RPS6KA2: variants seen among roughly 807,000 people sequenced by gnomAD.
The protein encoded by RPS6KA2 is ribosomal protein S6 kinase A2.
Under a neutral mutation model 91.8 loss-of-function variants are expected in RPS6KA2, and 42 were observed. The ratio of observed to expected loss-of-function variants is 0.46; its 90% CI spans 0.36 to 0.59. The LOEUF is 0.59. RPS6KA2 is among the 20% of genes least tolerant of loss of function. RPS6KA2 has a pLI of 0.00. For missense variants in RPS6KA2, 798 were observed against 978.5 expected (o/e 0.82, Z 2.46); for synonymous variants, 414 against 393.6 (o/e 1.05, Z -0.61).
intron 2 of RPS6KA2, among the ~76,000 whole-genome samples, chr6:166,812,432 C>A (rs1431392099): frequency 3.3e-5 from 5 of 152,312 alleles, no homozygotes; most frequent in African/African-American, 1.2e-4. Flanking sequence ...CCACAGCCCC[C>A]TTGCCTCTCT....
At chr6:166,531,515 T>A (rs1213857886) in intron 2 of RPS6KA2, among the ~76,000 whole-genome samples, 1 of 152,376 alleles carries the variant, frequency 6.6e-6, no homozygotes, top group South Asian at 2.1e-4. Flanking sequence ...AACATCACTA[T>A]GTGCCTGTAT....
In RPS6KA2 at chr6:166,418,976, C is replaced by T. The variant is rs1026852118; in HGVS notation, c.1821-634G>A. Among the ~76,000 whole-genome samples the T allele has an allele frequency of 5.9e-5, 9 of 152,312 alleles. No homozygotes were observed. The highest frequency in any genetic ancestry group is 1.4e-4 in the African/African-American group (6 of 41,576). On this transcript the variant is annotated intron_variant, in intron 18 of 20. Transcript: ENST00000265678. This position sits in a 1 kb window ranked among gnomAD's most constrained non-coding sequence, Gnocchi z 4.9. ...GTATAGGCAAAGTGAGTATTAGAAG[C>T]GTCACAAAGTAACCTGACTGTGGTA... is the stretch of plus-strand genomic sequence containing the variant.
At chr6:166,617,044 C>T (rs1211586352) in intron 1 of RPS6KA2, among the ~76,000 whole-genome samples, 2 of 152,204 alleles carry the variant, frequency 1.3e-5, no homozygotes, top group Non-Finnish European at 2.9e-5. Context: ...CAGAAGGTGC[C>T]GGGCGCCCGC....
chr6:166,691,482 G>A (rs1342117058), intron 2 of RPS6KA2, among the ~76,000 whole-genome samples: 2 of 151,984 alleles, frequency 1.3e-5, no homozygotes, highest in African/African-American at 2.4e-5. Flanking sequence ...CCTGCTCCTG[G>A]CTCTCTCTCC....
chr6:166,623,150 C>G (rs1430284285), intron 1 of RPS6KA2, among the ~76,000 whole-genome samples: 1 of 152,240 alleles, frequency 6.6e-6, no homozygotes, highest in Non-Finnish European at 1.5e-5. Flanking sequence ...AATAGGTCAC[C>G]AAAGAGAACC....
In RPS6KA2 at chr6:166,431,386, G is replaced by A. The variant is rs1303896948; in HGVS notation, c.1423-775C>T. ...TTCTGGTCCTGCAGACTGAGGTGGG[G>A]CCTGGCCCTCCGCATTTCTAACCAG... On this transcript the variant is annotated intron_variant, in intron 15 of 20. Coordinates refer to ENST00000265678, the MANE Select transcript of RPS6KA2 (RefSeq NM_021135.6). 1.1e-4 allele frequency among the ~76,000 whole-genome samples: 17 copies of A among 152,160 alleles called. 1 individual carries two copies. Among genetic ancestry groups the A allele is most frequent in the Admixed American group, 1.0e-3 (16 of 15,276 alleles).
chr6:166,568,584 C>A (rs1405437287), intron 1 of RPS6KA2, among the ~76,000 whole-genome samples: 1 of 120,132 alleles, frequency 8.3e-6, no homozygotes, highest in Admixed American at 1.2e-4. Flanking sequence ...CGCCATCGCA[C>A]TCTAAGCCTG....
At chr6:166,701,876 A>G in intron 2 of RPS6KA2, 1 of 962,326 alleles carries the variant, frequency 1.0e-6, no homozygotes, top group South Asian at 1.3e-5. Context: ...ATACTGCATC[A>G]GTTCCTGCAA....
intron 2 of RPS6KA2, among the ~76,000 whole-genome samples, chr6:166,790,910 T>C (rs1779067533): frequency 2.0e-5 from 3 of 152,114 alleles, no homozygotes; most frequent in Admixed American, 2.0e-4. Context: ...TGCAAAAACA[T>C]GCCAAAATGT....
chr6:166,489,394 C>T (rs60044057), intron 9 of RPS6KA2, among the ~76,000 whole-genome samples: 5 of 152,276 alleles, frequency 3.3e-5, no homozygotes, highest in African/African-American at 9.6e-5. Flanking sequence ...CGGTCTGTTG[C>T]GATGCTATGA....
chr6:166,772,370 C>T (rs1198253519), intron 2 of RPS6KA2, among the ~76,000 whole-genome samples: 4 of 152,110 alleles, frequency 2.6e-5, no homozygotes, highest in African/African-American at 9.7e-5. Flanking sequence ...GCTTGCTCTG[C>T]CTTGGAAATG....
rs1187930628 is a variant in RPS6KA2, at chr6:166,821,020, G to C, written c.123+37180C>G. ...ATAGCATTTTATCACAGGGAGCCAA[G>C]GGCAGGGACAAGCAGGTGTCTTGGA... On this transcript the variant is annotated intron_variant, in intron 2 of 21. Coordinates refer to the RPS6KA2 transcript ENST00000503859. This position sits in a 1 kb window ranked among gnomAD's most constrained non-coding sequence, Gnocchi z 4.1. Among the ~76,000 whole-genome samples the C allele has an allele frequency of 1.3e-5, 2 of 152,154 alleles. No individual in the cohort carries two copies. The highest frequency in any genetic ancestry group is 3.9e-4 in the East Asian group (2 of 5,188).
chr6:166,504,639 A>T (rs1782133786), intron 5 of RPS6KA2, 27 bp from the exon 6 acceptor site: 16 of 1,487,912 alleles, frequency 1.1e-5, no homozygotes, highest in Non-Finnish European at 1.4e-5. Context: ...AAAAACAAAA[A>T]CAAAAAACGT....
intron 14 of RPS6KA2, among the ~76,000 whole-genome samples, chr6:166,439,160 G>A (rs543645661): frequency 7.9e-4 from 120 of 152,148 alleles, no homozygotes; most frequent in Non-Finnish European, 1.3e-3. Context: ...CCAGGCTGGA[G>A]TGCATGGCAC....
intron 2 of RPS6KA2, among the ~76,000 whole-genome samples, chr6:166,792,723 C>A (rs1230150591): frequency 1.3e-5 from 2 of 152,154 alleles, no homozygotes; most frequent in Non-Finnish European, 1.5e-5. Flanking sequence ...TAAACATAAT[C>A]CATCATATAA....
At chr6:166,467,219 C>G (rs1350547585) in intron 11 of RPS6KA2, among the ~76,000 whole-genome samples, 1 of 120,016 alleles carries the variant, frequency 8.3e-6, no homozygotes, top group Admixed American at 8.6e-5. Context: ...CACTCCCTCA[C>G]TCATTCACTC....
chr6:166,507,588 C>G (rs901120368), intron 5 of RPS6KA2, among the ~76,000 whole-genome samples: 1 of 150,704 alleles, frequency 6.6e-6, no homozygotes, highest in East Asian at 1.9e-4. Flanking sequence ...TACACACACC[C>G]TGCATATGCA....
At chr6:166,651,693 C>CT (rs1183521353) in intron 2 of RPS6KA2, among the ~76,000 whole-genome samples, 2 of 152,232 alleles carry the variant, frequency 1.3e-5, no homozygotes, top group Admixed American at 1.3e-4. Context: ...GACAGCAGCC[C>CT]TTACACAGGA....
intron 2 of RPS6KA2, among the ~76,000 whole-genome samples, chr6:166,785,916 CT>C (rs1460810999): frequency 6.6e-6 from 1 of 152,060 alleles, no homozygotes; most frequent in Non-Finnish European, 1.5e-5. Flanking sequence ...ATAATGAAAT[CT>C]AACAAAATAA....
Sources: allele counts gnomAD v4.1 joint callset (sites outside exome capture counted in the v4.1 genomes callset), GRCh38; gene constraint gnomAD v4.1.1; non-coding constraint Gnocchi (gnomAD v3.1); transcripts MANE v1.5; gene names NCBI Gene and HGNC (gene_info 2026-07-23, HGNC 2026-07-21).